GADL1: variants seen among roughly 807,000 people sequenced by gnomAD.
GADL1 encodes GAD like acidic amino acid decarboxylase 1, also known as acidic amino acid decarboxylase GADL1.
Under a neutral mutation model 69.5 loss-of-function variants are expected in GADL1, and 71 were observed. The ratio of observed to expected loss-of-function variants is 1.02; its 90% CI spans 0.84 to 1.25. The LOEUF (loss-of-function observed/expected upper bound fraction) is 1.25. GADL1 is among the 50% of genes most tolerant of loss of function. GADL1 has a pLI of 0.00. For missense variants in GADL1, 737 were observed against 631.8 expected (o/e 1.17, Z -1.79); for synonymous variants, 254 against 214.4 (o/e 1.18, Z -1.62).
At chr3:30,801,344 G>A (rs561309715) in intron 11 of GADL1, among the ~76,000 whole-genome samples, 51 of 152,130 alleles carry the variant, frequency 3.4e-4, no homozygotes, top group African/African-American at 1.2e-3. Context: ...GAGAAGCTGA[G>A]AAGACCATGT....
intron 12 of GADL1, chr3:30,798,321 A>G (rs1697089406): frequency 6.5e-6 from 1 of 152,706 alleles, no homozygotes; most frequent in Non-Finnish European, 1.5e-5. Context: ...ATAGTTCCAC[A>G]GTTCCCTGAG....
chr3:30,728,319 C>A lies in GADL1; in HGVS notation c.1489G>T (p.Val497Leu). The A allele has an allele frequency of 1.2e-6, 2 of 1,613,912 alleles. No homozygotes were observed. The highest frequency in any genetic ancestry group is 1.7e-6 in the Non-Finnish European group (2 of 1,179,842). Residue 497 changes from valine (V) to leucine (L), a missense_variant, in exon 15 of 15, where the codon GTG becomes TTG. Physicochemically the swap from Val to Leu is conservative, Grantham distance 32. Coordinates refer to ENST00000282538, the MANE Select transcript of GADL1 (RefSeq NM_207359.3). ...TCCCGGCTCACTTGAGGGCTGATCA[C>A]CACCTGGCGGAAGAAGTTGACCTTT... ...RGKVNFFRQVVISPQVSREDM... is the reference protein window; with the variant it reads ...RGKVNFFRQVLISPQVSREDM...
intron 12 of GADL1, among the ~76,000 whole-genome samples, chr3:30,792,017 G>T (rs564302605): frequency 6.6e-6 from 1 of 152,134 alleles, no homozygotes; most frequent in South Asian, 2.1e-4. Flanking sequence ...TTTATAAATT[G>T]CCCAGTCTCA....
At chr3:30,837,044 T>C (rs1394026906) in intron 9 of GADL1, among the ~76,000 whole-genome samples, 9 of 152,118 alleles carry the variant, frequency 5.9e-5, no homozygotes, top group Admixed American at 5.9e-4. Context: ...TTAAAATTTT[T>C]TTAAGTAAGT....
intron 1 of GADL1, among the ~76,000 whole-genome samples, chr3:30,869,417 C>T (rs528794727): frequency 7.2e-5 from 11 of 151,748 alleles, no homozygotes; most frequent in Non-Finnish European, 1.5e-4. Context: ...AACAATAACA[C>T]AAAGCCGTGA....
chr3:30,790,529 C>A (rs1696892482), intron 12 of GADL1, among the ~76,000 whole-genome samples: 1 of 152,074 alleles, frequency 6.6e-6, no homozygotes, highest in Non-Finnish European at 1.5e-5. Context: ...AGGTTAAGCA[C>A]ATAAAATGAA....
chr3:30,872,704 T>A (rs1698509967), intron 1 of GADL1, among the ~76,000 whole-genome samples: 1 of 151,946 alleles, frequency 6.6e-6, no homozygotes, highest in African/African-American at 2.4e-5. Flanking sequence ...TCCTGTCTTA[T>A]TTAAGACCTA....
chr3:30,792,859 C>A (rs976318912), intron 12 of GADL1, among the ~76,000 whole-genome samples: 4 of 152,062 alleles, frequency 2.6e-5, no homozygotes, highest in Non-Finnish European at 4.4e-5. Flanking sequence ...GAGCCACATA[C>A]CCTCCCCTAA....
intron 2 of GADL1, among the ~76,000 whole-genome samples, chr3:30,860,059 TG>T (rs1362776179): frequency 6.6e-6 from 1 of 152,028 alleles, no homozygotes; most frequent in Admixed American, 6.6e-5. Context: ...TTGACCTTCC[TG>T]CTTTCTTCCT....
At chr3:30,828,580 A>G (rs1697729871) in intron 11 of GADL1, among the ~76,000 whole-genome samples, 1 of 151,842 alleles carries the variant, frequency 6.6e-6, no homozygotes. Flanking sequence ...CCTCACATTT[A>G]AAACCTAGGC....
chr3:30,760,934 G>A (rs1280717746), intron 14 of GADL1, among the ~76,000 whole-genome samples: 2 of 151,866 alleles, frequency 1.3e-5, no homozygotes, highest in African/African-American at 2.4e-5. Flanking sequence ...GAAAATTAAA[G>A]GCTGATGTCC....
chr3:30,801,112 G>T, intron 11 of GADL1, 24 bp from the exon 12 acceptor site: 1 of 1,561,726 alleles, frequency 6.4e-7, no homozygotes, highest in Non-Finnish European at 8.8e-7. Context: ...AAGATTACAA[G>T]ACTGTTAAAC....
intron 9 of GADL1, among the ~76,000 whole-genome samples, chr3:30,834,522 G>A (rs899254247): frequency 6.6e-6 from 1 of 151,882 alleles, no homozygotes; most frequent in Non-Finnish European, 1.5e-5. Context: ...ATCATAAATT[G>A]GTATATTAAC....
At position 30,844,462 on chromosome 3, in the gene GADL1, T is replaced by C. The variant is rs768247183; in HGVS notation, c.656A>G (p.His219Arg). 3 of 1,604,896 alleles carry C rather than the reference T, an allele frequency of 1.9e-6. No individual in the cohort carries two copies. The highest frequency in any genetic ancestry group is 2.7e-5 in the African/African-American group (2 of 74,704). ...AGAGGCTGCCTTCTTCATAGAGTAATGACACTGAATTCAAAGGGACAGTGG... is the reference window on the plus strand; with the variant it reads ...AGAGGCTGCCTTCTTCATAGAGTAACGACACTGAATTCAAAGGGACAGTGG... ...RLILFTSAEC[H>R]YSMKKAASFL... Residue 219 changes from histidine to arginine, a missense_variant, in exon 7 of 15, where the codon CAT (histidine) becomes CGT (arginine). By Grantham distance (29) the His-to-Arg change is conservative. Coordinates refer to ENST00000282538, the MANE Select transcript of GADL1 (RefSeq NM_207359.3).
chr3:30,782,070 A>G (rs1696678299), intron 13 of GADL1, among the ~76,000 whole-genome samples: 1 of 152,208 alleles, frequency 6.6e-6, no homozygotes, highest in Non-Finnish European at 1.5e-5. Context: ...TGAACTTGGA[A>G]TGAATAGAGG....
At chr3:30,813,631 A>T (rs1298930927) in intron 11 of GADL1, among the ~76,000 whole-genome samples, 1 of 152,348 alleles carries the variant, frequency 6.6e-6, no homozygotes, top group South Asian at 2.1e-4. Flanking sequence ...CATTCTTGAG[A>T]GGTCTGGCCT....
intron 4 of GADL1, 32 bp downstream of exon 4, chr3:30,854,667 T>C: frequency 7.7e-7 from 1 of 1,293,986 alleles, no homozygotes. Context: ...TAATCCACGT[T>C]TGGTGTGAAA....
chr3:30,756,955 A>T (rs1396247659), intron 14 of GADL1, among the ~76,000 whole-genome samples: 1 of 152,208 alleles, frequency 6.6e-6, no homozygotes, highest in Non-Finnish European at 1.5e-5. Context: ...TGGGGGGGAC[A>T]TGTCAAAGGA....
At chr3:30,792,342 G>A (rs1005492869) in intron 12 of GADL1, among the ~76,000 whole-genome samples, 1 of 152,164 alleles carries the variant, frequency 6.6e-6, no homozygotes, top group African/African-American at 2.4e-5. Context: ...GGAGGCTGAG[G>A]TGGGCAGATT....
Sources: allele counts gnomAD v4.1 joint callset (sites outside exome capture counted in the v4.1 genomes callset), GRCh38; gene constraint gnomAD v4.1.1; transcripts MANE v1.5; gene names NCBI Gene and HGNC (gene_info 2026-07-23, HGNC 2026-07-21).